The following RBFOX1 variants were observed in gnomAD, a reference collection of about 807,000 sequenced individuals.
RBFOX1 encodes the protein RNA binding protein fox-1 homolog 1.
A neutral mutation model predicts 57.7 loss-of-function variants in RBFOX1; 8 were observed. The ratio of observed to expected loss-of-function variants is 0.14; its 90% CI spans 0.08 to 0.25. The LOEUF (loss-of-function observed/expected upper bound fraction) is 0.25, where lower values mean the gene tolerates loss of function less well. Among genes scored for constraint, RBFOX1 ranks in the 10% least tolerant of loss-of-function variants. The probability of loss-of-function intolerance (pLI) is 1.00; values close to 1 mark genes in which losing one functional copy is unlikely to be tolerated. For synonymous variants in RBFOX1, 326 were observed against 222.4 expected (o/e 1.47, Z -4.15); for missense variants, 611 against 548.5 (o/e 1.11, Z -1.14).
intron 11 of RBFOX1, among the ~76,000 whole-genome samples, chr16:7,648,145 A>G (rs1361948288): frequency 6.6e-6 from 1 of 152,162 alleles, no homozygotes; most frequent in Non-Finnish European, 1.5e-5. Context: ...TTTGCCCTTG[A>G]AATGGATTAT....
rs117765256 is a variant in RBFOX1 at position 7,075,112 on chromosome 16, T to C, written c.27+23014T>C. 9.7e-3 allele frequency among the ~76,000 whole-genome samples: 1,481 copies of C among 152,334 alleles called. 12 individuals are homozygous for C. The highest frequency in any genetic ancestry group is 0.015 in the Non-Finnish European group (987 of 68,028). On this transcript the variant is annotated intron_variant, in intron 4 of 15. Coordinates refer to ENST00000550418, the MANE Select transcript of RBFOX1 (RefSeq NM_018723.4). ...GAAGTTCTGTGTTATTTGAAATGTG[T>C]ACTCATGGGGCTGAGGCTGTGCAGT...
At chr16:6,708,287 A>AAGAC (rs1795562090) in intron 3 of RBFOX1, among the ~76,000 whole-genome samples, 1 of 143,014 alleles carries the variant, frequency 7.0e-6, no homozygotes, top group African/African-American at 2.5e-5. Context: ...AGCATTTTTG[A>AAGAC]ACACACACAC....
chr16:5,687,827 G>A (rs1219326528), intron 3 of RBFOX1, among the ~76,000 whole-genome samples: 3 of 152,130 alleles, frequency 2.0e-5, no homozygotes, highest in South Asian at 2.1e-4. Flanking sequence ...AATGTTAGGT[G>A]GACGTTTTAT....
intron 3 of RBFOX1, among the ~76,000 whole-genome samples, chr16:6,728,293 T>A (rs2067709989): frequency 6.6e-6 from 1 of 152,182 alleles, no homozygotes; most frequent in Admixed American, 6.5e-5. Flanking sequence ...AATACAAGGT[T>A]GCAGTTTACT....
chr16:5,410,555 T>C (rs1249119360), intron 1 of RBFOX1, among the ~76,000 whole-genome samples: 1 of 152,224 alleles, frequency 6.6e-6, no homozygotes, highest in Admixed American at 6.5e-5. Flanking sequence ...ATTCAAGTCT[T>C]GCACATTCCT....
At chr16:7,574,491 G>C (rs913204931) in intron 5 of RBFOX1, among the ~76,000 whole-genome samples, 4 of 152,158 alleles carry the variant, frequency 2.6e-5, no homozygotes, top group African/African-American at 9.7e-5. Flanking sequence ...CCTTCAGTCT[G>C]TGGTCGAAGG....
chr16:6,524,768 C>T (rs1298105007), intron 2 of RBFOX1, among the ~76,000 whole-genome samples: 3 of 152,132 alleles, frequency 2.0e-5, no homozygotes, highest in Admixed American at 2.0e-4. Context: ...TGTCAGCATC[C>T]TTGGCATTCC....
chr16:5,309,596 G>A (rs958323930), intron 1 of RBFOX1, among the ~76,000 whole-genome samples: 2 of 152,156 alleles, frequency 1.3e-5, no homozygotes, highest in Admixed American at 1.3e-4. Flanking sequence ...TGGGCTTTAA[G>A]TGTAACCATC....
intron 1 of RBFOX1, among the ~76,000 whole-genome samples, chr16:5,443,726 C>A (rs189515274): frequency 6.6e-6 from 1 of 152,276 alleles, no homozygotes; most frequent in African/African-American, 2.4e-5. Flanking sequence ...GTCAGGGACC[C>A]CTTTAAGCTT....
chr16:7,053,713 C>G (rs1160247726), intron 4 of RBFOX1, among the ~76,000 whole-genome samples: 1 of 152,122 alleles, frequency 6.6e-6, no homozygotes, highest in African/African-American at 2.4e-5. Context: ...AGAATGGAGT[C>G]TTCCCCTCTC....
rs80257995 is a variant in RBFOX1 at position 6,558,041 on chromosome 16, A to T, written c.-63-96562A>T. 1.7e-3 allele frequency among the ~76,000 whole-genome samples: 264 copies of T among 152,276 alleles called. 1 individual carries two copies. Among genetic ancestry groups the T allele is most frequent in the African/African-American group, 6.2e-3 (256 of 41,560 alleles). On this transcript the variant is annotated intron_variant, in intron 2 of 15. Coordinates refer to ENST00000550418, the MANE Select transcript of RBFOX1 (RefSeq NM_018723.4). ...CTAGGAAAATTGAGATCTATTTTTC[A>T]TAAATTAGGCTCTTTTTTAAGGCTC...
At chr16:6,028,189 A>G (rs1338605266) in intron 1 of RBFOX1, among the ~76,000 whole-genome samples, 3 of 152,024 alleles carry the variant, frequency 2.0e-5, no homozygotes, top group African/African-American at 2.4e-5. Context: ...TGTCATACCT[A>G]TTTCTTCAGT....
At chr16:7,448,034 C>T (rs901981890) in intron 4 of RBFOX1, among the ~76,000 whole-genome samples, 1 of 152,176 alleles carries the variant, frequency 6.6e-6, no homozygotes, top group African/African-American at 2.4e-5. Context: ...TCTTCTGAAG[C>T]ATGTGAAAGT....
chr16:6,397,238 C>G (rs1478328874), intron 2 of RBFOX1, among the ~76,000 whole-genome samples: 3 of 152,116 alleles, frequency 2.0e-5, no homozygotes, highest in Non-Finnish European at 2.9e-5. Flanking sequence ...ATTTTAATTT[C>G]CACGTCATAG....
chr16:5,921,185 G>A (rs1438805457), intron 4 of RBFOX1, among the ~76,000 whole-genome samples: 1 of 152,200 alleles, frequency 6.6e-6, no homozygotes, highest in African/African-American at 2.4e-5. Context: ...GAATTTGGGA[G>A]AAAGCTAGAG....
chr16:5,412,666 C>G (rs909073815), intron 1 of RBFOX1, among the ~76,000 whole-genome samples: 3 of 152,176 alleles, frequency 2.0e-5, no homozygotes, highest in Non-Finnish European at 4.4e-5. Context: ...TTGCTAAGGG[C>G]TTTGCAGGCA....
At chr16:7,465,763 C>G (rs1167827809) in intron 4 of RBFOX1, among the ~76,000 whole-genome samples, 1 of 152,182 alleles carries the variant, frequency 6.6e-6, no homozygotes, top group Non-Finnish European at 1.5e-5. Context: ...ATCAGAATCA[C>G]TAATGCTGAA....
chr16:6,510,377 A>G (rs913934884), intron 2 of RBFOX1, among the ~76,000 whole-genome samples: 11 of 152,100 alleles, frequency 7.2e-5, no homozygotes, highest in Admixed American at 5.2e-4. Flanking sequence ...GCCAACTCCC[A>G]GTTTCCCGAT....
chr16:7,363,585 A>C (rs1372472887), intron 4 of RBFOX1, among the ~76,000 whole-genome samples: 1 of 152,124 alleles, frequency 6.6e-6, no homozygotes, highest in Non-Finnish European at 1.5e-5. Flanking sequence ...CTTTTAAGGC[A>C]GTGTGCCGAG....
Sources: gnomAD v4.1 joint callset for allele counts (sites outside exome capture counted in the v4.1 genomes callset) on GRCh38, gnomAD v4.1.1 for gene constraint, MANE v1.5 for transcripts, NCBI Gene and HGNC (gene_info 2026-07-23, HGNC 2026-07-21) for gene names.